WDFY4: variants seen among roughly 807,000 people sequenced by gnomAD.
WDFY4 encodes WDFY family member 4.
WDFY4 carries 169 observed loss-of-function variants against 351.9 expected under a neutral mutation model. That is an observed-to-expected ratio of 0.48 (90% confidence interval 0.42 to 0.55). The LOEUF (loss-of-function observed/expected upper bound fraction) is 0.55. WDFY4 is among the 20% of genes least tolerant of loss of function. The pLI is 0.00. For synonymous variants in WDFY4, 1,622 were observed against 1,574.6 expected, an observed-to-expected ratio of 1.03 and a Z score of -0.71; for missense variants, 3,803 against 3,935.6, an observed-to-expected ratio of 0.97 and a Z score of 0.90.
intron 39 of WDFY4, 67 bp downstream of exon 39, chr10:48,832,776 T>C: frequency 7.0e-7 from 1 of 1,427,242 alleles, no homozygotes; most frequent in South Asian, 1.6e-5. Flanking sequence ...GAGTCATATC[T>C]CTTCTTTGCT....
At chr10:48,734,349 T>A (rs956943135) in intron 10 of WDFY4, among the ~76,000 whole-genome samples, 2 of 152,270 alleles carry the variant, frequency 1.3e-5, no homozygotes, top group South Asian at 4.1e-4. Flanking sequence ...AGATGCTTTT[T>A]AATTTTTTTT....
intron 31 of WDFY4, 118 bp downstream of exon 31, chr10:48,814,200 C>T (rs2067545366): frequency 1.5e-6 from 2 of 1,335,660 alleles, no homozygotes; most frequent in Non-Finnish European, 2.0e-6. Context: ...TTAGCCAGAT[C>T]CTGTAGAAGA....
At chr10:48,720,987 G>A (rs2064066684) in intron 3 of WDFY4, among the ~76,000 whole-genome samples, 3 of 152,200 alleles carry the variant, frequency 2.0e-5, no homozygotes, top group African/African-American at 4.8e-5. Context: ...GAGTCTGATA[G>A]CCGATTAGCT....
At chr10:48,787,893 CCTT>C (rs1182060101) in intron 20 of WDFY4, among the ~76,000 whole-genome samples, 682 of 48,002 alleles carry the variant, frequency 0.014, 11 homozygotes, top group Non-Finnish European at 0.018. Context: ...TTCTTCTTCT[CCTT>C]CTTCTTCTTC....
In WDFY4 at chr10:48,822,429, T is replaced by C; in HGVS notation, c.5874T>C (p.Leu1958=). ...PSAEAAAAPS[L]ANISCFTQKL... is the part of the protein sequence containing the mutation. ...CAGAAGCTGCTGCTGCCCCTTCTCT[T>C]GCCAACATCTCCTGCTTCACCCAGA... The change falls in exon 35 of 62, where the codon CTT becomes CTC. Residue 1958 remains leucine, a synonymous_variant. Coordinates refer to ENST00000325239, the MANE Select transcript of WDFY4 (RefSeq NM_001394531.1). The C allele has an allele frequency of 6.4e-7, 1 of 1,551,364 alleles. No homozygotes were observed. Among genetic ancestry groups the C allele is most frequent in the Non-Finnish European group, 8.7e-7 (1 of 1,146,696 alleles).
intron 19 of WDFY4, among the ~76,000 whole-genome samples, chr10:48,780,734 G>A (rs2066192343): frequency 6.6e-6 from 1 of 152,208 alleles, no homozygotes; most frequent in Non-Finnish European, 1.5e-5. Flanking sequence ...TCAGAGAAGA[G>A]AGGGCCCGGA....
At chr10:48,933,143 G>A (rs565015481) in intron 47 of WDFY4, among the ~76,000 whole-genome samples, 1 of 152,322 alleles carries the variant, frequency 6.6e-6, no homozygotes, top group African/African-American at 2.4e-5. Context: ...AGGCTCTGTG[G>A]TGGAAGCAGA....
In WDFY4 at chr10:48,687,844, C is replaced by T. The variant is rs113701536; in HGVS notation, c.-18+2843C>T. ...TCACCCAGGCTGGAGTGCGGTGGTGCGATCTCAGCTCACTGCAACCTCCAC... is the reference window on the plus strand; with the variant it reads ...TCACCCAGGCTGGAGTGCGGTGGTGTGATCTCAGCTCACTGCAACCTCCAC... On this transcript the variant is annotated intron_variant, in intron 1 of 61. Transcript: ENST00000325239. 1.8e-3 allele frequency among the ~76,000 whole-genome samples: 257 copies of T among 145,024 alleles called. 2 individuals carry two copies. The highest frequency in any genetic ancestry group is 6.4e-3 in the African/African-American group (248 of 38,864).
At chr10:48,940,156 G>A (rs1283196499) in intron 47 of WDFY4, among the ~76,000 whole-genome samples, 5 of 152,234 alleles carry the variant, frequency 3.3e-5, no homozygotes, top group African/African-American at 9.6e-5. Flanking sequence ...TCCAGCCTGG[G>A]CTCTGCCCTT....
At chr10:48,966,189 G>T (rs1006429592) in intron 54 of WDFY4, among the ~76,000 whole-genome samples, 7 of 152,122 alleles carry the variant, frequency 4.6e-5, no homozygotes, top group African/African-American at 1.7e-4. Context: ...AACGAAGAGG[G>T]TCACTCCAGC....
intron 37 of WDFY4, 125 bp downstream of exon 37, chr10:48,829,021 C>T (rs1023016895): frequency 1.7e-6 from 1 of 602,772 alleles, no homozygotes; most frequent in East Asian, 3.0e-5. Context: ...AAAGCAGATA[C>T]TATTAAGGAC....
rs1182060101 is a variant in WDFY4, at chr10:48,787,893, CCTTCTTCTTCTTCTTCTT to C, written c.3809-562_3809-545del. 7.6e-3 allele frequency among the ~76,000 whole-genome samples: 363 copies of C among 48,072 alleles called. 7 individuals carry two copies. Among genetic ancestry groups the C allele is most frequent in the Middle Eastern group, 9.3e-3 (1 of 108 alleles). 31.5% of individuals were successfully genotyped at this position (48,072 alleles called of 152,430 possible). On this transcript the variant is annotated intron_variant, in intron 20 of 61. Transcript: ENST00000325239. Reference sequence around the variant, plus strand: ...TTTCTTCTTTCTTTCTTCTTCTTCTCCTTCTTCTTCTTCTTCTTCTTCTTCTTCTTCTTCTTCTTCTTC... The same window carrying C: ...TTTCTTCTTTCTTTCTTCTTCTTCTCCTTCTTCTTCTTCTTCTTCTTCTTC...
chr10:48,801,242 T>G (rs1476345638), intron 24 of WDFY4, among the ~76,000 whole-genome samples: 2 of 152,246 alleles, frequency 1.3e-5, no homozygotes, highest in African/African-American at 4.8e-5. Context: ...ATTCTGACAT[T>G]TGGCATTATG....
intron 1 of WDFY4, among the ~76,000 whole-genome samples, chr10:48,687,019 A>G (rs957217680): frequency 2.0e-4 from 30 of 152,148 alleles, no homozygotes; most frequent in African/African-American, 7.0e-4. Context: ...CCACTTCTTC[A>G]TCAGCATTTG....
intron 22 of WDFY4, 46 bp from the exon 23 acceptor site, chr10:48,790,681 A>T (rs2066648415): frequency 6.5e-7 from 1 of 1,534,418 alleles, no homozygotes; most frequent in South Asian, 1.2e-5. Flanking sequence ...TCCCATTGCA[A>T]TGAAGCTGTG....
In WDFY4 at chr10:48,760,379, C is replaced by T; in HGVS notation, c.2492C>T (p.Pro831Leu). The T allele has an allele frequency of 6.4e-7, 1 of 1,551,662 alleles. No homozygotes were observed. The highest frequency in any genetic ancestry group is 8.7e-7 in the Non-Finnish European group (1 of 1,146,986). ...GAGGGAGATGCTGCAATCATGCATC[C>T]CGGGGTCGTGTGCATCATGGTGAGG... ...MDEGDAAIMHPGVVCIMVRLL... is the reference protein window; with the variant it reads ...MDEGDAAIMHLGVVCIMVRLL... Residue 831 changes from proline to leucine, a missense_variant, in exon 13 of 62, where the codon CCC (proline) becomes CTC (leucine). Coordinates refer to ENST00000325239, the MANE Select transcript of WDFY4 (RefSeq NM_001394531.1).
chr10:48,954,226 A>C (rs561757601), intron 51 of WDFY4, among the ~76,000 whole-genome samples: 1 of 152,368 alleles, frequency 6.6e-6, no homozygotes, highest in African/African-American at 2.4e-5. Context: ...TGAGCACAAA[A>C]TCCAACAACT....
chr10:48,853,290 T>C (rs1453813212), intron 39 of WDFY4, among the ~76,000 whole-genome samples: 2 of 152,190 alleles, frequency 1.3e-5, no homozygotes, highest in East Asian at 3.8e-4. Flanking sequence ...CTTCTAGAGA[T>C]ATCCCGCTGT....
intron 1 of WDFY4, among the ~76,000 whole-genome samples, chr10:48,703,293 A>G (rs1172311211): frequency 2.0e-5 from 3 of 152,136 alleles, no homozygotes; most frequent in Non-Finnish European, 4.4e-5. Flanking sequence ...TTGCATGGAG[A>G]GGAAAACAGA....
Sources: allele counts gnomAD v4.1 joint callset (sites outside exome capture counted in the v4.1 genomes callset), GRCh38; gene constraint gnomAD v4.1.1; transcripts MANE v1.5; gene names NCBI Gene and HGNC (gene_info 2026-07-23, HGNC 2026-07-21).